Variants in AFG3L2 observed in about 807,000 individuals in gnomAD.
AFG3L2 encodes mitochondrial inner membrane m-AAA protease component AFG3L2.
AFG3L2 carries 54 observed loss-of-function variants against 94.5 expected under a neutral mutation model. That is an observed-to-expected ratio of 0.57 (90% CI 0.46 to 0.72). AFG3L2 has a LOEUF of 0.72. Among genes scored for constraint, AFG3L2 ranks in the 30% least tolerant of loss-of-function variants. The probability of loss-of-function intolerance (pLI) is 0.00; values close to 1 mark genes in which losing one functional copy is unlikely to be tolerated. For synonymous variants in AFG3L2, 377 were observed against 365.5 expected (o/e 1.03, Z -0.36); for missense variants, 754 against 994.9 (o/e 0.76, Z 3.26).
At chr18:12,344,813 C>T (rs951607368) in intron 13 of AFG3L2, among the ~76,000 whole-genome samples, 7 of 152,124 alleles carry the variant, frequency 4.6e-5, no homozygotes, top group Non-Finnish European at 1.0e-4. Context: ...CATCCCCAGG[C>T]CTGCTTTCAC....
In AFG3L2 at chr18:12,335,280, C is replaced by T. The variant is rs138968054; in HGVS notation, c.2175+2061G>A. On this transcript the variant is annotated intron_variant, in intron 16 of 16. Coordinates refer to ENST00000269143, the MANE Select transcript of AFG3L2 (RefSeq NM_006796.3). ...AATGTGTATTTGACTCTTTCTTCTA[C>T]TCTATGTTTACTTTATTGCATGTAA... Among the ~76,000 whole-genome samples the T allele has an allele frequency of 7.0e-3, 1,066 of 152,310 alleles. 12 individuals carry two copies. Among genetic ancestry groups the T allele is most frequent in the South Asian group, 0.025 (121 of 4,830 alleles).
At position 12,337,110 on chromosome 18, in the gene AFG3L2, C is replaced by G. The variant is rs917055478; in HGVS notation, c.2175+231G>C. The G allele has an allele frequency of 2.5e-5, 15 of 610,764 alleles. No homozygotes were observed. The South Asian group carries it at 2.9e-4, about 12-fold the overall frequency. The allele number at this position is 610,764 out of a possible 1,614,324, so 37.8% of individuals were successfully genotyped here. ...TTACTGACAGACTTCATTAATCATT[C>G]AGTCACATTCCTAAGAGCCACAGGA... On this transcript the variant is annotated intron_variant, in intron 16 of 16. Coordinates refer to ENST00000269143, the MANE Select transcript of AFG3L2 (RefSeq NM_006796.3).
Position 12,369,692 on chromosome 18 carries a change from G to A in AFG3L2, c.292+1157C>T, listed in dbSNP as rs185306082. Among the ~76,000 whole-genome samples, 639 of 150,662 alleles carry A rather than the reference G, an allele frequency of 4.2e-3. 7 individuals are homozygous for A. The highest frequency in any genetic ancestry group is 0.015 in the African/African-American group (616 of 40,852). On this transcript the variant is annotated intron_variant, in intron 3 of 16. Coordinates refer to ENST00000269143, the MANE Select transcript of AFG3L2 (RefSeq NM_006796.3). ...GATCGTGCCACTGCACTCCAGCCTGGGCGACAGAGACCCCTCCTCAAAAAA... is the reference window on the plus strand; with the variant it reads ...GATCGTGCCACTGCACTCCAGCCTGAGCGACAGAGACCCCTCCTCAAAAAA...
chr18:12,332,680 A>T (rs752020467), intron 16 of AFG3L2, among the ~76,000 whole-genome samples: 1 of 93,790 alleles, frequency 1.1e-5, no homozygotes, highest in Non-Finnish European at 2.4e-5. Flanking sequence ...ATATATATAT[A>T]TATATTTTTT....
intron 13 of AFG3L2, among the ~76,000 whole-genome samples, chr18:12,347,243 T>G (rs1402319770): frequency 6.6e-6 from 1 of 152,258 alleles, no homozygotes; most frequent in Non-Finnish European, 1.5e-5. Context: ...TTTCCAAAAC[T>G]GACCAGTTTA....
At chr18:12,357,313 T>C (rs1023693576) in intron 8 of AFG3L2, among the ~76,000 whole-genome samples, 14 of 152,192 alleles carry the variant, frequency 9.2e-5, no homozygotes, top group African/African-American at 3.1e-4. Flanking sequence ...TTTAGCATGG[T>C]TGGACGTGCA....
chr18:12,335,908 A>G (rs995613750), intron 16 of AFG3L2, among the ~76,000 whole-genome samples: 5 of 152,218 alleles, frequency 3.3e-5, no homozygotes, highest in Admixed American at 3.3e-4. Flanking sequence ...GAAGTCTAAC[A>G]TAGGGGTTAT....
At chr18:12,376,094 C>G (rs1909146675) in intron 1 of AFG3L2, among the ~76,000 whole-genome samples, 1 of 152,236 alleles carries the variant, frequency 6.6e-6, no homozygotes, top group South Asian at 2.1e-4. Flanking sequence ...TCCCTAAGTG[C>G]TGGGATCGCA....
intron 1 of AFG3L2, among the ~76,000 whole-genome samples, chr18:12,374,013 T>A (rs1163627402): frequency 6.6e-6 from 1 of 152,166 alleles, no homozygotes; most frequent in Non-Finnish European, 1.5e-5. Context: ...AGTCTTTATA[T>A]CACCATAAAG....
rs1184084274 is a variant in AFG3L2, at chr18:12,367,051, C to A, written c.466G>T (p.Gly156Ter). The change falls in exon 5 of 17, where the codon GGA becomes TGA. Residue 156 changes from glycine to a stop codon, truncating the protein, a stop_gained. Coordinates refer to ENST00000269143, the MANE Select transcript of AFG3L2 (RefSeq NM_006796.3). LOFTEE classifies it high-confidence loss of function. Reference protein sequence around the residue: ...FFLWTALFWGGVMFYLLLKRS... With the variant: ...FFLWTALFWG Reference sequence around the variant, plus strand: ...TTGAGCAGCAAGTAAAACATGACTCCACCCCAGAACAGAGCAGTCCAGAGG... The same window carrying A: ...TTGAGCAGCAAGTAAAACATGACTCAACCCCAGAACAGAGCAGTCCAGAGG... 6.2e-7 allele frequency: 1 copy of A among 1,614,170 alleles called. No homozygotes were observed. The highest frequency in any genetic ancestry group is 8.5e-7 in the Non-Finnish European group (1 of 1,180,032).
At chr18:12,371,000 G>C (rs748858681) in intron 2 of AFG3L2, 74 bp from the exon 3 acceptor site, 23 of 920,160 alleles carry the variant, frequency 2.5e-5, no homozygotes, top group Non-Finnish European at 3.4e-5. Flanking sequence ...TGTTTTCAAA[G>C]CAGCTGATGC....
chr18:12,329,261 C>T lies in AFG3L2; in HGVS notation c.*304G>A, dbSNP rs533285669. On this transcript the variant is annotated 3_prime_UTR_variant, in exon 17 of 17. Coordinates refer to ENST00000269143, the MANE Select transcript of AFG3L2 (RefSeq NM_006796.3). ...CAACGATCCCTGCCACACGGTCAGC[C>T]GACCCCACTTGGTGCCACAGGGTCC... is the stretch of plus-strand genomic sequence containing the variant. The T allele has an allele frequency of 1.1e-5, 8 of 700,936 alleles. No homozygotes were observed. The highest frequency in any genetic ancestry group is 5.4e-5 in the East Asian group (2 of 37,272). The allele number at this position is 700,936 out of a possible 1,614,324, so 43.4% of individuals were successfully genotyped here.
Position 12,367,052 on chromosome 18 carries a change from A to T in AFG3L2, c.465T>A (p.Gly155=), listed in dbSNP as rs2143217031. 6.2e-7 allele frequency: 1 copy of T among 1,614,012 alleles called. No individual in the cohort carries two copies. The highest frequency in any genetic ancestry group is 2.2e-5 in the East Asian group (1 of 44,892). The change falls in exon 5 of 17, where the codon GGT becomes GGA. Residue 155 remains glycine, a synonymous_variant. Transcript: ENST00000269143. ...MFFLWTALFW[G]GVMFYLLLKR... ...TGAGCAGCAAGTAAAACATGACTCC[A>T]CCCCAGAACAGAGCAGTCCAGAGGA...
chr18:12,336,018 A>C (rs1907731120), intron 16 of AFG3L2, among the ~76,000 whole-genome samples: 1 of 152,230 alleles, frequency 6.6e-6, no homozygotes, highest in Non-Finnish European at 1.5e-5. Flanking sequence ...GGCTGACTCC[A>C]TCTTGCTTCT....
chr18:12,333,362 A>T (rs531689118), intron 16 of AFG3L2, among the ~76,000 whole-genome samples: 3,782 of 133,056 alleles, frequency 0.028, 99 homozygotes, highest in Non-Finnish European at 0.041. Flanking sequence ...TTATATATAT[A>T]TATTTTTTCC....
Position 12,367,038 on chromosome 18 carries a change from T to C in AFG3L2, c.479A>G (p.Tyr160Cys). Residue 160 changes from tyrosine (Y) to cysteine (C), a missense_variant, in exon 5 of 17, where the codon TAC becomes TGC. Physicochemically the swap from Tyr to Cys is radical, Grantham distance 194. Transcript: ENST00000269143. Reference protein sequence around the residue: ...TALFWGGVMFYLLLKRSGREI... With the variant: ...TALFWGGVMFCLLLKRSGREI... Reference sequence around the variant, plus strand: ...TCTCCCGGATCTCTTGAGCAGCAAGTAAAACATGACTCCACCCCAGAACAG... The same window carrying C: ...TCTCCCGGATCTCTTGAGCAGCAAGCAAAACATGACTCCACCCCAGAACAG... The C allele has an allele frequency of 6.2e-7, 1 of 1,614,166 alleles. No individual in the cohort carries two copies. Among genetic ancestry groups the C allele is most frequent in the Non-Finnish European group, 8.5e-7 (1 of 1,180,018 alleles).
At chr18:12,354,486 C>T (rs1908428690) in intron 9 of AFG3L2, among the ~76,000 whole-genome samples, 1 of 152,192 alleles carries the variant, frequency 6.6e-6, no homozygotes, top group African/African-American at 2.4e-5. Context: ...GCACTCCACC[C>T]CACTGTGCCA....
chr18:12,368,917 T>C (rs1908892256), intron 3 of AFG3L2, among the ~76,000 whole-genome samples: 2 of 152,088 alleles, frequency 1.3e-5, no homozygotes, highest in African/African-American at 2.4e-5. Context: ...ACACTTCTAA[T>C]GTCTTCAGTG....
Position 12,356,731 on chromosome 18 carries a change from T to A in AFG3L2, c.1127A>T (p.Glu376Val). 1 of 1,614,124 alleles carries A rather than the reference T, an allele frequency of 6.2e-7. No homozygotes were observed. The highest frequency in any genetic ancestry group is 2.2e-5 in the East Asian group (1 of 44,890). ...CACACCAACGAACATCTCCAAAAACTCAGATCCACTAACGGTGATGAAGGG... is the reference window on the plus strand; with the variant it reads ...CACACCAACGAACATCTCCAAAAACACAGATCCACTAACGGTGATGAAGGG... ...NVPFITVSGS[E>V]FLEMFVGVGP... The change falls in exon 9 of 17, where the codon GAG becomes GTG. Residue 376 changes from glutamate (E) to valine (V), a missense_variant. Transcript: ENST00000269143.
Sources: allele counts gnomAD v4.1 joint callset (sites outside exome capture counted in the v4.1 genomes callset), GRCh38; gene constraint gnomAD v4.1.1; transcripts MANE v1.5; gene names NCBI Gene and HGNC (gene_info 2026-07-23, HGNC 2026-07-21).